Variants in MYCBP2 observed in about 807,000 individuals in gnomAD.
The protein encoded by MYCBP2 is E3 ubiquitin-protein ligase MYCBP2.
In MYCBP2, 120 loss-of-function variants were observed where a neutral mutation model predicts 525.3. That is an observed-to-expected ratio of 0.23 (90% CI 0.20 to 0.27). MYCBP2 has a LOEUF of 0.27. MYCBP2 is among the 10% of genes least tolerant of loss of function. The pLI is 1.00. For synonymous variants in MYCBP2, 1,894 were observed against 1,955.8 expected (o/e 0.97, Z 0.83); for missense variants, 4,149 against 5,657.1 (o/e 0.73, Z 8.55).
intron 32 of MYCBP2, among the ~76,000 whole-genome samples, chr13:77,183,015 G>A (rs1422842792): frequency 6.6e-6 from 1 of 152,092 alleles, no homozygotes; most frequent in African/African-American, 2.4e-5. Flanking sequence ...GCTATATGGA[G>A]GAAATCATCA....
At chr13:77,052,252 A>G (rs1297420856) in intron 80 of MYCBP2, among the ~76,000 whole-genome samples, 2 of 151,700 alleles carry the variant, frequency 1.3e-5, no homozygotes, top group Non-Finnish European at 2.9e-5. Context: ...AGGCTGGAGC[A>G]TAGTGGCGCA....
chr13:77,177,771 C>A lies in MYCBP2; in HGVS notation c.5317G>T (p.Glu1773Ter). ...ACATCATCAACCAACACCTCTAATT[C>A]ATATTCATGAATTCCACCTCCTCCA... Reference protein sequence around the residue: ...VYGGGGIHEYELEVLVDDSEH... With the variant: ...VYGGGGIHEY The change falls in exon 35 of 83, where the codon GAA (glutamate) becomes TAA (stop). Residue 1773 changes from glutamate to a stop codon, truncating the protein, a stop_gained. Transcript: ENST00000544440. LOFTEE classifies it high-confidence loss of function. The A allele has an allele frequency of 6.2e-7, 1 of 1,613,730 alleles. No homozygotes were observed. Among genetic ancestry groups the A allele is most frequent in the South Asian group, 1.1e-5 (1 of 91,076 alleles).
intron 68 of MYCBP2, among the ~76,000 whole-genome samples, chr13:77,073,378 A>G (rs1028708528): frequency 1.1e-4 from 16 of 152,182 alleles, no homozygotes; most frequent in African/African-American, 3.9e-4. Context: ...AATAGAAGAA[A>G]ACATTCTCCA....
At chr13:77,251,447 A>G in intron 14 of MYCBP2, 92 bp from the exon 15 acceptor site, 3 of 1,048,844 alleles carry the variant, frequency 2.9e-6, no homozygotes, top group Non-Finnish European at 4.3e-6. Context: ...AAATGACAGC[A>G]TGCTAATCCA....
intron 47 of MYCBP2, 89 bp downstream of exon 47, chr13:77,150,645 A>G (rs2056328533): frequency 2.8e-6 from 3 of 1,060,838 alleles, no homozygotes; most frequent in Non-Finnish European, 4.2e-6. Context: ...TGGACTTACA[A>G]TTTCATGTCT....
intron 1 of MYCBP2, among the ~76,000 whole-genome samples, chr13:77,298,978 A>G (rs895983625): frequency 1.3e-5 from 2 of 151,218 alleles, no homozygotes; most frequent in African/African-American, 4.8e-5. Context: ...GAACAAATAA[A>G]TAAATAAAAC....
intron 48 of MYCBP2, among the ~76,000 whole-genome samples, chr13:77,145,518 T>C (rs1214215628): frequency 4.6e-5 from 7 of 152,140 alleles, no homozygotes; most frequent in Non-Finnish European, 1.0e-4. Context: ...ATATAGATGA[T>C]TCCCAAATTT....
chr13:77,232,698 TA>T (rs1359720160), intron 18 of MYCBP2, among the ~76,000 whole-genome samples: 1 of 152,110 alleles, frequency 6.6e-6, no homozygotes, highest in Non-Finnish European at 1.5e-5. Context: ...ACTTAATTAA[TA>T]AACAGTGGAA....
intron 54 of MYCBP2, among the ~76,000 whole-genome samples, chr13:77,121,719 A>G (rs1257265249): frequency 6.6e-6 from 1 of 152,244 alleles, no homozygotes; most frequent in Non-Finnish European, 1.5e-5. Context: ...TTTAGAAATG[A>G]GATAGGCTCT....
At chr13:77,152,812 T>G (rs1011662010) in intron 46 of MYCBP2, among the ~76,000 whole-genome samples, 5 of 152,122 alleles carry the variant, frequency 3.3e-5, no homozygotes, top group Admixed American at 2.6e-4. Context: ...ACGCCTGTAA[T>G]CCCAGCACTT....
intron 46 of MYCBP2, among the ~76,000 whole-genome samples, chr13:77,154,850 A>G (rs1178657143): frequency 6.6e-6 from 1 of 151,956 alleles, no homozygotes; most frequent in Non-Finnish European, 1.5e-5. Context: ...TGCTTTTTGC[A>G]TTGTATAGAA....
intron 2 of MYCBP2, among the ~76,000 whole-genome samples, chr13:77,292,060 T>C (rs1310138491): frequency 2.0e-5 from 3 of 152,232 alleles, no homozygotes; most frequent in Admixed American, 1.3e-4. Flanking sequence ...CCATGTCTGA[T>C]TGACTAACAA....
At chr13:77,320,972 G>C (rs1484002493) in intron 1 of MYCBP2, among the ~76,000 whole-genome samples, 3 of 152,168 alleles carry the variant, frequency 2.0e-5, no homozygotes, top group South Asian at 2.1e-4. Flanking sequence ...CCAGGGGTAG[G>C]AGGGCCTGAC....
chr13:77,232,655 A>G (rs2154302297), intron 18 of MYCBP2, among the ~76,000 whole-genome samples: 1 of 152,252 alleles, frequency 6.6e-6, no homozygotes, highest in South Asian at 2.1e-4. Flanking sequence ...CACAACCATC[A>G]AATATTTGTA....
chr13:77,086,071 T>A (rs2044209935), intron 62 of MYCBP2, among the ~76,000 whole-genome samples: 1 of 152,196 alleles, frequency 6.6e-6, no homozygotes, highest in African/African-American at 2.4e-5. Flanking sequence ...TGACATATCA[T>A]TACTTTTTAC....
intron 46 of MYCBP2, among the ~76,000 whole-genome samples, chr13:77,153,793 ATGTCCTATG>A (rs1223770983): frequency 6.6e-6 from 1 of 152,138 alleles, no homozygotes; most frequent in Non-Finnish European, 1.5e-5. Context: ...AATAGATGAA[ATGTCCTATG>A]TACCCTTCAC....
intron 47 of MYCBP2, among the ~76,000 whole-genome samples, chr13:77,148,018 A>G (rs934359771): frequency 6.6e-6 from 1 of 152,120 alleles, no homozygotes; most frequent in African/African-American, 2.4e-5. Context: ...AAATTATACA[A>G]ACTGAAGCAT....
In MYCBP2 at chr13:77,194,233, C is replaced by T; in HGVS notation, c.3855G>A (p.Leu1285=). Residue 1285 remains leucine (L), a synonymous_variant, in exon 27 of 83, where the codon TTG becomes TTA. Transcript: ENST00000544440. ...TTTCATGATCTCCTCCATCAGGACC[C>T]AATTCAAACAGCTAAGGAAAGGAGA... is the stretch of plus-strand genomic sequence containing the variant. ...EYTAKIKLFE[L]GPDGGDHETD... 1 of 1,611,810 alleles carries T rather than the reference C, an allele frequency of 6.2e-7. No homozygotes were observed. Among genetic ancestry groups the T allele is most frequent in the Non-Finnish European group, 8.5e-7 (1 of 1,178,106 alleles).
intron 32 of MYCBP2, 69 bp downstream of exon 32, chr13:77,185,034 A>G: frequency 7.1e-7 from 1 of 1,400,316 alleles, no homozygotes; most frequent in Non-Finnish European, 9.8e-7. Context: ...GGCAACTGCA[A>G]TTTATTTTCT....
Sources: gnomAD v4.1 joint callset for allele counts (sites outside exome capture counted in the v4.1 genomes callset) on GRCh38, gnomAD v4.1.1 for gene constraint, MANE v1.5 for transcripts, NCBI Gene and HGNC (gene_info 2026-07-23, HGNC 2026-07-21) for gene names.